Variants in NWD2 observed in about 807,000 individuals in gnomAD.
The protein encoded by NWD2 is NACHT and WD repeat domain-containing protein 2.
Under a neutral mutation model 132.7 loss-of-function variants are expected in NWD2, and 37 were observed. The observed-to-expected ratio is 0.28, with a 90% CI of 0.21 to 0.37. The LOEUF is 0.37. Among genes scored for constraint, NWD2 ranks in the 10% least tolerant of loss-of-function variants. The pLI, the probability that NWD2 is intolerant of heterozygous loss-of-function variation, is 1.00. For missense variants in NWD2, 1,592 were observed against 2,122.4 expected (o/e 0.75, Z 4.91); for synonymous variants, 705 against 803.0 (o/e 0.88, Z 2.06).
chr4:37,307,920 G>T (rs77207510), intron 1 of NWD2, among the ~76,000 whole-genome samples: 203 of 151,890 alleles, frequency 1.3e-3, no homozygotes, highest in African/African-American at 3.7e-3. Context: ...TTAAAAAAAT[G>T]GATTCATTGA....
chr4:37,375,250 T>C (rs1427764099), intron 3 of NWD2, among the ~76,000 whole-genome samples: 1 of 152,222 alleles, frequency 6.6e-6, no homozygotes, highest in Non-Finnish European at 1.5e-5. Context: ...TAGTGTCAAA[T>C]TAATGTTTAT....
At chr4:37,420,852 C>A (rs1486175583) in intron 3 of NWD2, among the ~76,000 whole-genome samples, 1 of 152,064 alleles carries the variant, frequency 6.6e-6, no homozygotes, top group Non-Finnish European at 1.5e-5. Flanking sequence ...AGTTGATCAC[C>A]CTAAAAGGTT....
At chr4:37,271,323 T>C (rs1717867026) in intron 1 of NWD2, among the ~76,000 whole-genome samples, 1 of 151,870 alleles carries the variant, frequency 6.6e-6, no homozygotes, top group African/African-American at 2.4e-5. Context: ...AAGTTGAATT[T>C]AAGAATGGTT....
At chr4:37,425,488 T>C (rs576111120) in intron 3 of NWD2, among the ~76,000 whole-genome samples, 1 of 152,320 alleles carries the variant, frequency 6.6e-6, no homozygotes, top group South Asian at 2.1e-4. Context: ...GAGGTGACTA[T>C]AGATTTCTAC....
intron 1 of NWD2, among the ~76,000 whole-genome samples, chr4:37,258,711 C>A (rs1383361866): frequency 6.6e-6 from 1 of 152,236 alleles, no homozygotes; most frequent in Non-Finnish European, 1.5e-5. Context: ...CTGAATGTAG[C>A]CAGTGTGCTT....
intron 1 of NWD2, among the ~76,000 whole-genome samples, chr4:37,253,338 A>C (rs902831043): frequency 6.6e-6 from 1 of 152,214 alleles, no homozygotes; most frequent in Non-Finnish European, 1.5e-5. Flanking sequence ...TAGCAGAATT[A>C]GATATTCTTC....
At chr4:37,322,659 C>G (rs1286720576) in intron 1 of NWD2, among the ~76,000 whole-genome samples, 1 of 152,082 alleles carries the variant, frequency 6.6e-6, no homozygotes, top group Non-Finnish European at 1.5e-5. Flanking sequence ...AAAAATCAGT[C>G]TGGTTGCTCC....
chr4:37,402,908 G>A (rs541525767), intron 3 of NWD2, among the ~76,000 whole-genome samples: 17 of 152,228 alleles, frequency 1.1e-4, no homozygotes, highest in South Asian at 2.1e-4. Flanking sequence ...TGTTTGATGC[G>A]TTGTTTTTCA....
Position 37,443,899 on chromosome 4 carries a change from C to G in NWD2, c.1911C>G (p.Thr637=). 1 of 1,552,242 alleles carries G rather than the reference C, an allele frequency of 6.4e-7. No homozygotes were observed. The highest frequency in any genetic ancestry group is 8.7e-7 in the Non-Finnish European group (1 of 1,147,132). Reference sequence around the variant, plus strand: ...TCGATGAATCCTCCCTCTCTGTCACCGTTCATGAAAGTATAGAGCAGTTAT... The same window carrying G: ...TCGATGAATCCTCCCTCTCTGTCACGGTTCATGAAAGTATAGAGCAGTTAT... ...KDVDESSLSV[T]VHESIEQLFW... is the part of the protein sequence containing the mutation. Residue 637 remains threonine (T), a synonymous_variant, in exon 7 of 7, where the codon ACC becomes ACG. Coordinates refer to ENST00000309447, the MANE Select transcript of NWD2 (RefSeq NM_001144990.2). The surrounding 1 kb of genome is among the most constrained non-coding windows in gnomAD (Gnocchi z 4.1).
intron 1 of NWD2, among the ~76,000 whole-genome samples, chr4:37,262,993 A>G (rs1717676022): frequency 6.6e-6 from 1 of 152,158 alleles, no homozygotes; most frequent in Admixed American, 6.5e-5. Context: ...GGAGCCCATC[A>G]TGAAGTTCAT....
chr4:37,318,020 C>CTTTTTTTTTT (rs71185128), intron 1 of NWD2, among the ~76,000 whole-genome samples: 3 of 113,360 alleles, frequency 2.6e-5, no homozygotes, highest in Non-Finnish European at 5.1e-5. Context: ...TTTTTTCTTT[C>CTTTTTTTTTT]TTTTTTTTTT....
intron 3 of NWD2, among the ~76,000 whole-genome samples, chr4:37,411,013 A>G (rs1237437449): frequency 6.6e-6 from 1 of 152,230 alleles, no homozygotes; most frequent in Non-Finnish European, 1.5e-5. Flanking sequence ...AGGGAAATTT[A>G]TAGCACTAAA....
intron 3 of NWD2, among the ~76,000 whole-genome samples, chr4:37,373,549 C>T (rs1192037587): frequency 2.6e-5 from 4 of 152,146 alleles, no homozygotes; most frequent in African/African-American, 4.8e-5. Context: ...GTTTGTAATA[C>T]CTTAATAGCA....
At chr4:37,247,628 A>C (rs1355301321) in intron 1 of NWD2, among the ~76,000 whole-genome samples, 1 of 149,750 alleles carries the variant, frequency 6.7e-6, no homozygotes, top group East Asian at 2.0e-4. Context: ...TTTTTTTTTG[A>C]GACAGAGTCT....
intron 3 of NWD2, among the ~76,000 whole-genome samples, chr4:37,382,216 G>T (rs2109308860): frequency 6.6e-6 from 1 of 152,310 alleles, no homozygotes; most frequent in African/African-American, 2.4e-5. Flanking sequence ...AGAGATTTCA[G>T]GGGTAGCAAG....
At chr4:37,410,134 G>A (rs553815883) in intron 3 of NWD2, among the ~76,000 whole-genome samples, 9 of 152,122 alleles carry the variant, frequency 5.9e-5, no homozygotes, top group African/African-American at 1.2e-4. Flanking sequence ...TCATAATGAC[G>A]GGATCAAATT....
intron 1 of NWD2, among the ~76,000 whole-genome samples, chr4:37,278,369 A>G (rs1718066581): frequency 6.6e-6 from 1 of 152,132 alleles, no homozygotes; most frequent in Admixed American, 6.6e-5. Flanking sequence ...TGTCCACGAA[A>G]CATGTCACTG....
chr4:37,441,989 C>T (rs1314364313), intron 6 of NWD2, among the ~76,000 whole-genome samples: 1 of 152,168 alleles, frequency 6.6e-6, no homozygotes, highest in African/African-American at 2.4e-5. Context: ...AATGTAGAAA[C>T]AAACCGGTGT....
At chr4:37,387,660 T>C (rs985191921) in intron 3 of NWD2, among the ~76,000 whole-genome samples, 9 of 147,198 alleles carry the variant, frequency 6.1e-5, no homozygotes, top group Non-Finnish European at 1.0e-4. Flanking sequence ...AGTAACCACT[T>C]TGAAATATTC....
Sources: allele counts gnomAD v4.1 joint callset (sites outside exome capture counted in the v4.1 genomes callset), GRCh38; gene constraint gnomAD v4.1.1; non-coding constraint Gnocchi (gnomAD v3.1); transcripts MANE v1.5; gene names NCBI Gene and HGNC (gene_info 2026-07-23, HGNC 2026-07-21).